The following RAPGEF6 variants were observed in gnomAD, a reference collection of about 807,000 sequenced individuals.
RAPGEF6 encodes PDZ domain containing guanine nucleotide exchange factor (GEF) 2.
In RAPGEF6, 56 loss-of-function variants were observed where a neutral mutation model predicts 171.4. The ratio of observed to expected loss-of-function variants is 0.33; its 90% CI spans 0.26 to 0.41. The LOEUF (loss-of-function observed/expected upper bound fraction) is 0.41. RAPGEF6 is among the 10% of genes least tolerant of loss of function. The probability of loss-of-function intolerance (pLI) is 1.00; values close to 1 mark genes in which losing one functional copy is unlikely to be tolerated. For synonymous variants in RAPGEF6, 692 were observed against 650.1 expected (o/e 1.06, Z -0.98); for missense variants, 1,674 against 1,921.4 (o/e 0.87, Z 2.41).
intron 25 of RAPGEF6, 36 bp from the exon 26 acceptor site, chr5:131,431,385 C>T: frequency 1.3e-6 from 2 of 1,541,120 alleles, no homozygotes; most frequent in Non-Finnish European, 1.7e-6. Flanking sequence ...AGAAGGCTTG[C>T]CAGAAAAACT....
intron 17 of RAPGEF6, 104 bp from the exon 18 acceptor site, chr5:131,464,385 T>C (rs757231445): frequency 6.2e-6 from 5 of 802,408 alleles, no homozygotes; most frequent in Non-Finnish European, 1.0e-5. Context: ...CACTGAAATA[T>C]ACATTTCTAT....
At position 131,603,543 on chromosome 5, in the gene RAPGEF6, TAATAC is replaced by T. The variant is rs150487681; in HGVS notation, c.141-221_141-217del. 3.6e-3 allele frequency among the ~76,000 whole-genome samples: 546 copies of T among 152,134 alleles called. 3 individuals are homozygous for T. The highest frequency in any genetic ancestry group is 6.0e-3 in the Non-Finnish European group (408 of 67,938). On this transcript the variant is annotated intron_variant, in intron 2 of 27. Transcript: ENST00000509018. Reference sequence around the variant, plus strand: ...AGGTAATATTCAGTGGCATCAACCTTAATACTCTTTATGTACATTACAAAATCTGT... The same window carrying T: ...AGGTAATATTCAGTGGCATCAACCTTTCTTTATGTACATTACAAAATCTGT...
At chr5:131,471,290 A>G (rs1423494379) in intron 17 of RAPGEF6, among the ~76,000 whole-genome samples, 1 of 152,214 alleles carries the variant, frequency 6.6e-6, no homozygotes, top group African/African-American at 2.4e-5. Flanking sequence ...GGGTTTAATA[A>G]TCGCTCTAGT....
chr5:131,536,548 A>C (rs993315664), intron 6 of RAPGEF6, among the ~76,000 whole-genome samples: 1 of 152,154 alleles, frequency 6.6e-6, no homozygotes, highest in South Asian at 2.1e-4. Flanking sequence ...AAAATCTGTC[A>C]CAGCCACCAG....
chr5:131,487,033 G>C (rs1158747673), intron 15 of RAPGEF6, among the ~76,000 whole-genome samples: 1 of 152,136 alleles, frequency 6.6e-6, no homozygotes, highest in Non-Finnish European at 1.5e-5. Flanking sequence ...ATTGTGTCCA[G>C]AGTTGGTTCC....
At chr5:131,519,976 A>G (rs1758366045) in intron 7 of RAPGEF6, among the ~76,000 whole-genome samples, 1 of 152,208 alleles carries the variant, frequency 6.6e-6, no homozygotes, top group South Asian at 2.1e-4. Context: ...TCTCTCTACT[A>G]TAAAATGGAG....
chr5:131,553,277 C>A (rs1051605277), intron 5 of RAPGEF6, among the ~76,000 whole-genome samples: 3 of 152,320 alleles, frequency 2.0e-5, no homozygotes, highest in African/African-American at 7.2e-5. Flanking sequence ...ACCACTGGTG[C>A]ACCATAACAG....
rs563610295 is a variant in RAPGEF6, at chr5:131,580,995, TTCTGCC to T, written c.281+11382_281+11387del. Among the ~76,000 whole-genome samples the T allele has an allele frequency of 1.3e-3, 200 of 152,280 alleles. No homozygotes were observed. In the Middle Eastern group the frequency reaches 0.014, roughly 10 times the overall value. On this transcript the variant is annotated intron_variant, in intron 4 of 27. Transcript: ENST00000509018. ...TCCCTTTACTTGTGGATCTAGGACT[TTCTGCC>T]TCCACTACCAGACTTGGAACTGGAA...
chr5:131,485,324 G>A (rs1048328180), intron 15 of RAPGEF6, among the ~76,000 whole-genome samples: 7 of 152,206 alleles, frequency 4.6e-5, no homozygotes, highest in Non-Finnish European at 8.8e-5. Context: ...ACTGCCAGCT[G>A]TTTTCTTCTC....
intron 21 of RAPGEF6, among the ~76,000 whole-genome samples, chr5:131,452,218 T>TC (rs1753142558): frequency 7.0e-5 from 1 of 14,248 alleles, no homozygotes; most frequent in Non-Finnish European, 1.5e-4. Flanking sequence ...AGACTCCGTC[T>TC]CAAAAAAAAA....
Position 131,517,780 on chromosome 5 carries a change from T to TACAC in RAPGEF6, c.627+3606_627+3609dup, listed in dbSNP as rs36091456. On this transcript the variant is annotated intron_variant, in intron 7 of 27. Transcript: ENST00000509018. ...ATCTGATTGGAAACATTCGCGCATG[T>TACAC]ACACACACACACACACACACACACA... 6.3e-3 allele frequency among the ~76,000 whole-genome samples: 887 copies of TACAC among 140,480 alleles called. 2 individuals carry two copies. Among genetic ancestry groups the TACAC allele is most frequent in the African/African-American group, 0.012 (473 of 38,138 alleles). 92.2% of individuals were successfully genotyped at this position (140,480 alleles called of 152,430 possible).
intron 6 of RAPGEF6, among the ~76,000 whole-genome samples, chr5:131,538,702 CCA>C (rs1355355598): frequency 2.6e-5 from 4 of 152,158 alleles, no homozygotes; most frequent in African/African-American, 9.7e-5. Context: ...GTAGCTATCT[CCA>C]GTTTTGAGGA....
intron 3 of RAPGEF6, among the ~76,000 whole-genome samples, chr5:131,602,317 A>C (rs2150014010): frequency 6.6e-6 from 1 of 152,298 alleles, no homozygotes; most frequent in South Asian, 2.1e-4. Context: ...TACTGCAGGC[A>C]ACTTGACACA....
intron 4 of RAPGEF6, among the ~76,000 whole-genome samples, chr5:131,574,920 G>T (rs1470188584): frequency 1.3e-5 from 2 of 152,080 alleles, no homozygotes; most frequent in African/African-American, 4.8e-5. Flanking sequence ...GTTACAGCAT[G>T]GCCTTTTAAA....
rs140292198 is a variant in RAPGEF6, at chr5:131,544,425, G to A, written c.495+3622C>T. Among the ~76,000 whole-genome samples, 293 of 151,832 alleles carry A rather than the reference G, an allele frequency of 1.9e-3. 1 individual carries two copies. Among genetic ancestry groups the A allele is most frequent in the African/African-American group, 6.8e-3 (281 of 41,192 alleles). On this transcript the variant is annotated intron_variant, in intron 6 of 27. Coordinates refer to ENST00000509018, the MANE Select transcript of RAPGEF6 (RefSeq NM_016340.6). The stretch of plus-strand genomic sequence containing the variant: ...GGAAAGGTCTCAAAATCATTATAAT[G>A]TGTGAAAGAAGCCCACCCCCCCAAA...
intron 15 of RAPGEF6, among the ~76,000 whole-genome samples, chr5:131,485,491 T>C (rs900720252): frequency 4.6e-5 from 7 of 152,176 alleles, no homozygotes; most frequent in African/African-American, 1.7e-4. Context: ...ACAACTGCTA[T>C]TAGTAGGAGT....
intron 15 of RAPGEF6, among the ~76,000 whole-genome samples, chr5:131,486,634 T>C (rs868429890): frequency 6.6e-6 from 1 of 152,152 alleles, no homozygotes; most frequent in Admixed American, 6.5e-5. Context: ...ATCTATTCTT[T>C]CAAACAAATG....
chr5:131,473,003 T>C (rs1754854055), intron 16 of RAPGEF6: 1 of 382,302 alleles, frequency 2.6e-6, no homozygotes, highest in African/African-American at 2.0e-5. Flanking sequence ...TTATTTAGTG[T>C]CTACCAGTTT....
intron 6 of RAPGEF6, among the ~76,000 whole-genome samples, chr5:131,522,618 G>A (rs779307943): frequency 8.6e-5 from 13 of 152,044 alleles, no homozygotes; most frequent in Admixed American, 3.3e-4. Context: ...TAATTCAGAC[G>A]AATCCTAGTA....
Sources: allele counts gnomAD v4.1 joint callset (sites outside exome capture counted in the v4.1 genomes callset), GRCh38; gene constraint gnomAD v4.1.1; transcripts MANE v1.5; gene names NCBI Gene and HGNC (gene_info 2026-07-23, HGNC 2026-07-21).